The following SOS2 variants were observed in gnomAD, a reference collection of about 807,000 sequenced individuals.
SOS2 encodes the protein son of sevenless homolog 2.
SOS2 carries 65 observed loss-of-function variants against 148.2 expected under a neutral mutation model. The ratio of observed to expected loss-of-function variants is 0.44; its 90% confidence interval spans 0.36 to 0.54. The LOEUF (loss-of-function observed/expected upper bound fraction) is 0.54. Ranked by LOEUF, SOS2 falls within the 20% of genes least tolerant of loss-of-function variation. The pLI is 0.00. For synonymous variants in SOS2, 539 were observed against 537.1 expected, an observed-to-expected ratio of 1.00 and a Z score of -0.05; for missense variants, 1,341 against 1,590.2, an observed-to-expected ratio of 0.84 and a Z score of 2.67.
rs986460121 is a variant in SOS2, at chr14:50,134,224, G to A, written c.2974C>T (p.Leu992Phe). Residue 992 changes from leucine to phenylalanine, a missense_variant, in exon 19 of 23, where the codon CTT becomes TTT. This residue lies in a region of SOS2 where 408 missense variants were observed against 506.6 expected (regional missense o/e 0.81). Coordinates refer to ENST00000216373, the MANE Select transcript of SOS2 (RefSeq NM_006939.4). Reference sequence around the variant, plus strand: ...TCAGATGCACTTCCCATGGGGTTAAGGTTTTCAAAGAATCTCTGGAATTAA... The same window carrying A: ...TCAGATGCACTTCCCATGGGGTTAAAGTTTTCAAAGAATCTCTGGAATTAA... ...EPDMRRFFENLNPMGSASEKE... is the reference protein window; with the variant it reads ...EPDMRRFFENFNPMGSASEKE... 1 of 1,539,796 alleles carries A rather than the reference G, an allele frequency of 6.5e-7. No homozygotes were observed. Among genetic ancestry groups the A allele is most frequent in the Non-Finnish European group, 8.9e-7 (1 of 1,117,924 alleles).
intron 8 of SOS2, among the ~76,000 whole-genome samples, chr14:50,162,709 T>C (rs1885048817): frequency 6.6e-6 from 1 of 152,160 alleles, no homozygotes; most frequent in African/African-American, 2.4e-5. Flanking sequence ...ATATGAAATG[T>C]CAAGAAACCA....
Position 50,231,191 on chromosome 14 carries a change from A to G in SOS2, c.87+6T>C. 6.8e-7 allele frequency: 1 copy of G among 1,463,406 alleles called. No homozygotes were observed. The allele number at this position is 1,463,406 out of a possible 1,614,324, so 90.7% of individuals were successfully genotyped here. A position where few individuals can be genotyped will look rare whatever the true frequency, so the allele number is the denominator to read the frequency against. ...ACCCGCCGGCCGCCCCGCCCCTAGC[A>G]CTGACCTTCCGCAGGGCCGAGACCA... On this transcript the variant is annotated splice_donor_region_variant and intron_variant, in intron 1 of 22. Coordinates refer to ENST00000216373, the MANE Select transcript of SOS2 (RefSeq NM_006939.4).
intron 1 of SOS2, among the ~76,000 whole-genome samples, chr14:50,228,509 TCTTA>T (rs1337662966): frequency 2.0e-4 from 31 of 152,320 alleles, no homozygotes; most frequent in Non-Finnish European, 2.8e-4. Context: ...GACTTTAACA[TCTTA>T]CTAGTTCCCT....
chr14:50,121,175 G>A (rs1446494704), intron 21 of SOS2, among the ~76,000 whole-genome samples: 1 of 152,164 alleles, frequency 6.6e-6, no homozygotes, highest in African/African-American at 2.4e-5. Flanking sequence ...TAATGTACAC[G>A]TTATATAACT....
intron 21 of SOS2, among the ~76,000 whole-genome samples, chr14:50,123,879 G>T (rs1301378346): frequency 6.6e-6 from 1 of 152,172 alleles, no homozygotes; most frequent in East Asian, 1.9e-4. Flanking sequence ...GTTAGATTCT[G>T]GATATATTTT....
chr14:50,228,679 GC>G (rs2139883734), intron 1 of SOS2, among the ~76,000 whole-genome samples: 1 of 152,236 alleles, frequency 6.6e-6, no homozygotes, highest in South Asian at 2.1e-4. Flanking sequence ...AAGCTACATT[GC>G]TGCTTTCATA....
At chr14:50,119,345 A>C (rs2139467656) in intron 22 of SOS2, among the ~76,000 whole-genome samples, 1 of 152,276 alleles carries the variant, frequency 6.6e-6, no homozygotes, top group South Asian at 2.1e-4. Flanking sequence ...TAGACTACTG[A>C]ATCAGAAACT....
At chr14:50,153,916 C>T (rs1884740084) in intron 12 of SOS2, among the ~76,000 whole-genome samples, 1 of 151,870 alleles carries the variant, frequency 6.6e-6, no homozygotes, top group Non-Finnish European at 1.5e-5. Context: ...CCCAGCCTAT[C>T]ATCAAATTTC....
intron 5 of SOS2, 21 bp from the exon 6 acceptor site, chr14:50,182,627 T>G: frequency 6.3e-7 from 1 of 1,583,934 alleles, no homozygotes; most frequent in Non-Finnish European, 8.6e-7. Flanking sequence ...AGAAGGAAGG[T>G]TAAGAAATGT....
At chr14:50,160,148 A>C in intron 9 of SOS2, 62 bp from the exon 10 acceptor site, 1 of 1,271,152 alleles carries the variant, frequency 7.9e-7, no homozygotes. Context: ...TTCAAGCATA[A>C]ACCATCTCAA....
intron 4 of SOS2, among the ~76,000 whole-genome samples, chr14:50,198,557 T>TG (rs1886386753): frequency 6.6e-6 from 1 of 152,176 alleles, no homozygotes; most frequent in African/African-American, 2.4e-5. Flanking sequence ...ATTAAATCTC[T>TG]GGGGGTGATA....
intron 13 of SOS2, among the ~76,000 whole-genome samples, chr14:50,150,643 C>T (rs1884631117): frequency 6.6e-6 from 1 of 151,044 alleles, no homozygotes; most frequent in Admixed American, 6.6e-5. Flanking sequence ...CTTATTGCAA[C>T]TTCCATGTTG....
chr14:50,130,109 C>T, intron 20 of SOS2, 107 bp from the exon 21 acceptor site: 1 of 665,626 alleles, frequency 1.5e-6, no homozygotes, highest in South Asian at 2.1e-5. Flanking sequence ...ATTTTATCAT[C>T]ATCTTTTGCC....
At chr14:50,185,519 C>T (rs910813402) in intron 5 of SOS2, among the ~76,000 whole-genome samples, 3 of 151,918 alleles carry the variant, frequency 2.0e-5, no homozygotes, top group African/African-American at 7.3e-5. Context: ...TGGCGAAACC[C>T]CGTTTCTACC....
rs1372408988 is a variant in SOS2, at chr14:50,118,030, T to C, written c.*314A>G. On this transcript the variant is annotated 3_prime_UTR_variant, in exon 23 of 23. Transcript: ENST00000216373. ...TTTGAAAAATTTCACAAAAGCACTA[T>C]CCCTTTTCAGTGCAATCATGTCACT... 2 of 234,346 alleles carry C rather than the reference T, an allele frequency of 8.5e-6. No individual in the cohort carries two copies. Among genetic ancestry groups the C allele is most frequent in the Non-Finnish European group, 8.2e-6 (1 of 121,504 alleles). The allele number at this position is 234,346 out of a possible 1,614,324, so 14.5% of individuals were successfully genotyped here.
chr14:50,167,873 A>C (rs1246521778), intron 8 of SOS2, among the ~76,000 whole-genome samples: 1 of 152,112 alleles, frequency 6.6e-6, no homozygotes, highest in Non-Finnish European at 1.5e-5. Flanking sequence ...GTCTCAAAAA[A>C]AAAAAAGAAA....
At chr14:50,171,898 T>G (rs566984795) in intron 8 of SOS2, among the ~76,000 whole-genome samples, 1 of 152,304 alleles carries the variant, frequency 6.6e-6, no homozygotes, top group Admixed American at 6.5e-5. Flanking sequence ...CAGGATTTGC[T>G]ATTACTGACA....
At chr14:50,126,250 A>G (rs2139495544) in intron 21 of SOS2, among the ~76,000 whole-genome samples, 1 of 152,342 alleles carries the variant, frequency 6.6e-6, no homozygotes, top group South Asian at 2.1e-4. Flanking sequence ...GTAATTATTC[A>G]TCATCTCAAA....
chr14:50,180,916 A>T (rs181239984), intron 6 of SOS2, among the ~76,000 whole-genome samples: 1 of 152,262 alleles, frequency 6.6e-6, no homozygotes, highest in African/African-American at 2.4e-5. Flanking sequence ...AGACTGGCAA[A>T]AATTAATGGG....
Sources: allele counts gnomAD v4.1 joint callset (sites outside exome capture counted in the v4.1 genomes callset), GRCh38; gene constraint gnomAD v4.1.1; regional missense constraint gnomAD v4.1.1; transcripts MANE v1.5; gene names NCBI Gene and HGNC (gene_info 2026-07-23, HGNC 2026-07-21).